The following CPAMD8 variants were observed in gnomAD, a reference collection of about 807,000 sequenced individuals.
CPAMD8 encodes C3 and PZP-like alpha-2-macroglobulin domain-containing protein 8.
CPAMD8 carries 146 observed loss-of-function variants against 224.7 expected under a neutral mutation model. The observed-to-expected ratio is 0.65, with a 90% CI of 0.57 to 0.75. CPAMD8 has a LOEUF of 0.75. CPAMD8 is among the 30% of genes least tolerant of loss of function. CPAMD8 has a pLI of 0.00. For synonymous variants in CPAMD8, 966 were observed against 1,044.6 expected, an observed-to-expected ratio of 0.92 and a Z score of 1.45; for missense variants, 2,301 against 2,537.5, an observed-to-expected ratio of 0.91 and a Z score of 2.00.
At chr19:17,018,229 C>A (rs2056862405) in intron 3 of CPAMD8, among the ~76,000 whole-genome samples, 1 of 152,172 alleles carries the variant, frequency 6.6e-6, no homozygotes. Flanking sequence ...TAAGGAATAG[C>A]TAACCCCCCA....
intron 30 of CPAMD8, 114 bp from the exon 31 acceptor site, chr19:16,904,666 G>A (rs956570213): frequency 5.4e-6 from 4 of 744,508 alleles, no homozygotes; most frequent in African/African-American, 1.7e-5. Context: ...ACCCCAGTGG[G>A]AGAAGAGTAT....
At chr19:16,965,975 A>C (rs1159275873) in intron 18 of CPAMD8, among the ~76,000 whole-genome samples, 1 of 152,228 alleles carries the variant, frequency 6.6e-6, no homozygotes, top group African/African-American at 2.4e-5. Context: ...CTTTCTTCAC[A>C]GAATTGGAAA....
At chr19:16,971,212 G>T in intron 17 of CPAMD8, 179 bp from the exon 18 acceptor site, 2 of 575,130 alleles carry the variant, frequency 3.5e-6, no homozygotes, top group Non-Finnish European at 5.9e-6. Flanking sequence ...TTTGTTTGTT[G>T]TTTTTTGAGA....
intron 1 of CPAMD8, among the ~76,000 whole-genome samples, chr19:17,022,721 A>ACTCCTGACCTCAAATGATCCACC (rs1275122664): frequency 3.3e-5 from 5 of 151,350 alleles, no homozygotes; most frequent in Non-Finnish European, 5.9e-5. Context: ...ATGATCTCAA[A>ACTCCTGACCTCAAATGATCCACC]CTCCTGACCT....
Position 16,983,677 on chromosome 19 carries a change from G to A in CPAMD8, c.1396-2991C>T, listed in dbSNP as rs1033420011. Among the ~76,000 whole-genome samples the A allele has an allele frequency of 1.1e-4, 17 of 152,230 alleles. No homozygotes were observed. In the East Asian group the frequency reaches 1.7e-3, roughly 16 times the overall value. On this transcript the variant is annotated intron_variant, in intron 13 of 41. Transcript: ENST00000443236. The stretch of plus-strand genomic sequence containing the variant: ...GACGTGGGACCCTAAAGGTGATCCC[G>A]GACCAGAAAACAAGGCCATGAGTGG...
intron 39 of CPAMD8, chr19:16,897,426 C>G (rs2052063164): frequency 2.0e-6 from 1 of 512,018 alleles, no homozygotes; most frequent in Non-Finnish European, 3.4e-6. Flanking sequence ...TGGCTCGGCC[C>G]TGCCCCCAGT....
chr19:16,941,530 T>C (rs1371280601), intron 22 of CPAMD8, among the ~76,000 whole-genome samples: 1 of 152,212 alleles, frequency 6.6e-6, no homozygotes, highest in Non-Finnish European at 1.5e-5. Context: ...TGATATGGTT[T>C]GGATTTGTGT....
intron 9 of CPAMD8, among the ~76,000 whole-genome samples, chr19:17,001,641 GGGT>G (rs1483993184): frequency 6.6e-6 from 1 of 152,076 alleles, no homozygotes; most frequent in African/African-American, 2.4e-5. Context: ...GACAGGCAGT[GGGT>G]AGAGTGCAAG....
chr19:16,933,805 C>T lies in CPAMD8; in HGVS notation c.2846-4565G>A, dbSNP rs569618910. Reference sequence around the variant, plus strand: ...AGTTTCTTAAAAAGTTAAACATACACGAACCATATGATTCTGTTCTTTCAT... The same window carrying T: ...AGTTTCTTAAAAAGTTAAACATACATGAACCATATGATTCTGTTCTTTCAT... On this transcript the variant is annotated intron_variant, in intron 23 of 41. Transcript: ENST00000443236. Among the ~76,000 whole-genome samples the T allele has an allele frequency of 1.3e-4, 20 of 152,252 alleles. No individual in the cohort carries two copies. In the South Asian group the frequency reaches 2.5e-3, roughly 19 times the overall value.
At chr19:16,955,700 A>G (rs1347676393) in intron 19 of CPAMD8, among the ~76,000 whole-genome samples, 1 of 152,182 alleles carries the variant, frequency 6.6e-6, no homozygotes, top group African/African-American at 2.4e-5. Flanking sequence ...TTTTTGAGAC[A>G]GGGTCTCACT....
At chr19:16,985,193 G>T (rs2055670074) in intron 13 of CPAMD8, among the ~76,000 whole-genome samples, 1 of 152,138 alleles carries the variant, frequency 6.6e-6, no homozygotes, top group Non-Finnish European at 1.5e-5. Flanking sequence ...AAAATGTGTA[G>T]AGAAATAGAT....
chr19:16,972,819 G>A (rs551911587), intron 17 of CPAMD8, among the ~76,000 whole-genome samples: 1 of 152,274 alleles, frequency 6.6e-6, no homozygotes, highest in Admixed American at 6.5e-5. Flanking sequence ...CAAACTGCCA[G>A]GCAGTTCACA....
chr19:16,987,179 A>AT (rs1169938247), intron 13 of CPAMD8, among the ~76,000 whole-genome samples: 5 of 53,912 alleles, frequency 9.3e-5, no homozygotes, highest in Non-Finnish European at 8.8e-5. Context: ...AAAAAAAAAA[A>AT]ATATATATAT....
At chr19:16,969,301 T>A (rs192690013) in intron 18 of CPAMD8, among the ~76,000 whole-genome samples, 2 of 152,100 alleles carry the variant, frequency 1.3e-5, no homozygotes, top group Non-Finnish European at 2.9e-5. Context: ...CCAGGGAACA[T>A]TGGGCAATGT....
At chr19:16,953,707 A>C (rs2054373614) in intron 19 of CPAMD8, among the ~76,000 whole-genome samples, 2 of 151,822 alleles carry the variant, frequency 1.3e-5, no homozygotes, top group Admixed American at 1.3e-4. Flanking sequence ...ACCCAGTGGG[A>C]GAAAATATTT....
At chr19:16,949,272 A>T (rs1255069345) in intron 20 of CPAMD8, among the ~76,000 whole-genome samples, 2 of 152,042 alleles carry the variant, frequency 1.3e-5, no homozygotes, top group African/African-American at 4.8e-5. Context: ...CTGCTGGAAA[A>T]GCTAGACACC....
chr19:17,004,586 C>T (rs902059519), intron 7 of CPAMD8, among the ~76,000 whole-genome samples, 200 bp from the exon 8 acceptor site: 4 of 152,000 alleles, frequency 2.6e-5, no homozygotes, highest in South Asian at 4.2e-4. Context: ...GACACCCCGG[C>T]GGGCTTCGAA....
chr19:16,948,560 A>C (rs1242901149), intron 20 of CPAMD8, among the ~76,000 whole-genome samples: 1 of 151,844 alleles, frequency 6.6e-6, no homozygotes, highest in African/African-American at 2.4e-5. Context: ...CAGCTTGGCC[A>C]ACATGAGGAA....
intron 39 of CPAMD8, 112 bp from the exon 40 acceptor site, chr19:16,896,777 G>T: frequency 1.4e-6 from 1 of 718,984 alleles, no homozygotes; most frequent in Non-Finnish European, 2.0e-6. Context: ...TACCCCCTCG[G>T]TGGGTCTTGG....
Sources: allele counts gnomAD v4.1 joint callset (sites outside exome capture counted in the v4.1 genomes callset), GRCh38; gene constraint gnomAD v4.1.1; transcripts MANE v1.5; gene names NCBI Gene and HGNC (gene_info 2026-07-23, HGNC 2026-07-21).